SLC24A3: variants seen among roughly 807,000 people sequenced by gnomAD.
SLC24A3 encodes the protein sodium/potassium/calcium exchanger 3.
Under a neutral mutation model 75.8 loss-of-function variants are expected in SLC24A3, and 28 were observed. That is an observed-to-expected ratio of 0.37 (90% CI 0.27 to 0.51). SLC24A3 has a LOEUF of 0.51. SLC24A3 is among the 20% of genes least tolerant of loss of function. The probability of loss-of-function intolerance (pLI) is 0.94; values close to 1 mark genes in which losing one functional copy is unlikely to be tolerated. For synonymous variants in SLC24A3, 372 were observed against 334.1 expected (o/e 1.11, Z -1.24); for missense variants, 663 against 847.8 (o/e 0.78, Z 2.71).
intron 2 of SLC24A3, among the ~76,000 whole-genome samples, chr20:19,375,196 C>A (rs771588220): frequency 2.6e-5 from 4 of 152,176 alleles, no homozygotes; most frequent in Admixed American, 1.3e-4. Flanking sequence ...GATTCCTGGG[C>A]ACCAAATCCT....
At chr20:19,367,714 T>C (rs1381479914) in intron 2 of SLC24A3, among the ~76,000 whole-genome samples, 1 of 152,188 alleles carries the variant, frequency 6.6e-6, no homozygotes, top group African/African-American at 2.4e-5. Context: ...TCTTCCTTGT[T>C]GGCCAGGTTC....
intron 6 of SLC24A3, among the ~76,000 whole-genome samples, chr20:19,636,053 T>G (rs573366070): frequency 2.6e-5 from 4 of 152,152 alleles, no homozygotes; most frequent in East Asian, 3.9e-4. Context: ...GGCAGGAGAA[T>G]GGCATGAACC....
intron 6 of SLC24A3, among the ~76,000 whole-genome samples, chr20:19,608,129 G>A (rs1487236791): frequency 6.6e-6 from 1 of 152,212 alleles, no homozygotes; most frequent in East Asian, 1.9e-4. Flanking sequence ...GGTTTCCCCA[G>A]GTGGACACAA....
chr20:19,696,813 A>G lies in SLC24A3; in HGVS notation c.1508A>G (p.Tyr503Cys), dbSNP rs2032811706. The G allele has an allele frequency of 1.2e-6, 2 of 1,613,800 alleles. No homozygotes were observed. Among genetic ancestry groups the G allele is most frequent in the African/African-American group, 1.3e-5 (1 of 74,876 alleles). ...TCCTTCTAGGTCACAATCATTGGTT[A>G]CACCCTGGGGATTCCTGACGTCATC... ...MMVWMVTIIGYTLGIPDVIMG... is the reference protein window; with the variant it reads ...MMVWMVTIIGCTLGIPDVIMG... The change falls in exon 14 of 17, where the codon TAC becomes TGC. Residue 503 changes from tyrosine (Y) to cysteine (C), a missense_variant. Tyr to Cys is a radical substitution (Grantham distance 194). Transcript: ENST00000328041.
At chr20:19,530,273 C>G (rs1203296872) in intron 3 of SLC24A3, among the ~76,000 whole-genome samples, 4 of 152,146 alleles carry the variant, frequency 2.6e-5, no homozygotes, top group Non-Finnish European at 4.4e-5. Flanking sequence ...AATAACATGA[C>G]ATAGATAAAC....
At chr20:19,341,810 A>C (rs1600438222) in intron 2 of SLC24A3, among the ~76,000 whole-genome samples, 1 of 152,268 alleles carries the variant, frequency 6.6e-6, no homozygotes, top group Non-Finnish European at 1.5e-5. Context: ...AGGTATGACC[A>C]TCTAATCTCT....
chr20:19,683,542 C>T (rs1018102258), intron 10 of SLC24A3, among the ~76,000 whole-genome samples: 10 of 152,242 alleles, frequency 6.6e-5, no homozygotes, highest in Admixed American at 5.2e-4. Context: ...CAGCTCTGCT[C>T]ATAGACTGGG....
At chr20:19,684,444 A>T in intron 11 of SLC24A3, 108 bp downstream of exon 11, 1 of 1,263,692 alleles carries the variant, frequency 7.9e-7, no homozygotes, top group Non-Finnish European at 1.1e-6. Context: ...AAAGTTTAAC[A>T]CCGCAGCATC....
chr20:19,358,045 C>T (rs1216225534), intron 2 of SLC24A3, among the ~76,000 whole-genome samples: 2 of 152,218 alleles, frequency 1.3e-5, no homozygotes, highest in African/African-American at 4.8e-5. Flanking sequence ...CAGATGTGCC[C>T]TCCAGCTCAG....
At chr20:19,357,381 A>G (rs1417111894) in intron 2 of SLC24A3, among the ~76,000 whole-genome samples, 2 of 152,202 alleles carry the variant, frequency 1.3e-5, no homozygotes, top group Non-Finnish European at 2.9e-5. Flanking sequence ...AAGCCTAGGA[A>G]GCAAATTCAT....
chr20:19,671,848 C>T (rs748046820), intron 8 of SLC24A3, among the ~76,000 whole-genome samples: 8 of 151,550 alleles, frequency 5.3e-5, no homozygotes, highest in Non-Finnish European at 1.2e-4. Flanking sequence ...GATGAGGTCA[C>T]CTAGGGAGAA....
In SLC24A3 at chr20:19,503,887, A is replaced by G. The variant is rs573516997; in HGVS notation, c.272-11601A>G. ...TAACTCTCCCCCTTTTAAATGGATT[A>G]TATTCTAAAATAGGTGCAGATCAAA... On this transcript the variant is annotated intron_variant, in intron 2 of 16. Transcript: ENST00000328041. 1.1e-4 allele frequency among the ~76,000 whole-genome samples: 17 copies of G among 152,382 alleles called. No individual in the cohort carries two copies. The South Asian group carries it at 1.9e-3, about 17-fold the overall frequency.
At chr20:19,235,902 G>A (rs963938357) in intron 1 of SLC24A3, among the ~76,000 whole-genome samples, 1 of 152,138 alleles carries the variant, frequency 6.6e-6, no homozygotes. Flanking sequence ...CAAGGTCAAG[G>A]TGTCTATGGG....
At chr20:19,551,199 G>A (rs907638357) in intron 3 of SLC24A3, among the ~76,000 whole-genome samples, 8 of 152,186 alleles carry the variant, frequency 5.3e-5, no homozygotes, top group African/African-American at 1.4e-4. Context: ...GTTTCAAGAC[G>A]GAAGTGAAAG....
chr20:19,379,988 CCTACT>C, intron 2 of SLC24A3, among the ~76,000 whole-genome samples: 1 of 152,218 alleles, frequency 6.6e-6, no homozygotes, highest in South Asian at 2.1e-4. Flanking sequence ...TGGCAAATAC[CCTACT>C]TGGTGCTTGG....
chr20:19,621,787 T>C (rs1259339507), intron 6 of SLC24A3, among the ~76,000 whole-genome samples: 1 of 152,232 alleles, frequency 6.6e-6, no homozygotes, highest in African/African-American at 2.4e-5. Flanking sequence ...TCCAGTCTTC[T>C]GCTCTTTCCG....
At chr20:19,381,825 T>C (rs1986188236) in intron 2 of SLC24A3, among the ~76,000 whole-genome samples, 1 of 152,168 alleles carries the variant, frequency 6.6e-6, no homozygotes. Flanking sequence ...ATGTCTCTTC[T>C]GACAATTTTC....
At chr20:19,571,598 T>G (rs532163730) in intron 3 of SLC24A3, among the ~76,000 whole-genome samples, 2 of 152,270 alleles carry the variant, frequency 1.3e-5, no homozygotes, top group East Asian at 3.9e-4. Context: ...TCAAGAACAC[T>G]AAATGGTCAA....
At chr20:19,339,322 G>A (rs1055797372) in intron 2 of SLC24A3, among the ~76,000 whole-genome samples, 2 of 152,070 alleles carry the variant, frequency 1.3e-5, no homozygotes, top group Non-Finnish European at 2.9e-5. Flanking sequence ...GCATCTGTGG[G>A]TGTTTGTACC....
Sources: gnomAD v4.1 joint callset for allele counts (sites outside exome capture counted in the v4.1 genomes callset) on GRCh38, gnomAD v4.1.1 for gene constraint, MANE v1.5 for transcripts, NCBI Gene and HGNC (gene_info 2026-07-23, HGNC 2026-07-21) for gene names.